The following XYLT1 variants were observed in gnomAD, a reference collection of about 807,000 sequenced individuals.
XYLT1 encodes xylosyltransferase 1.
In XYLT1, 36 loss-of-function variants were observed where a neutral mutation model predicts 91.3. The ratio of observed to expected loss-of-function variants is 0.39; its 90% CI spans 0.30 to 0.52. The LOEUF is 0.52. Ranked by LOEUF, XYLT1 falls within the 20% of genes least tolerant of loss-of-function variation. The probability of loss-of-function intolerance (pLI) is 0.68; values close to 1 mark genes in which losing one functional copy is unlikely to be tolerated. For synonymous variants in XYLT1, 588 were observed against 532.0 expected (o/e 1.11, Z -1.45); for missense variants, 1,242 against 1,284.5 (o/e 0.97, Z 0.51).
At chr16:17,122,608 C>CTTTGTT (rs1192925413) in intron 10 of XYLT1, among the ~76,000 whole-genome samples, 2 of 152,108 alleles carry the variant, frequency 1.3e-5, no homozygotes, top group African/African-American at 2.4e-5. Flanking sequence ...ATCTACTTAT[C>CTTTGTT]TTTGTTTTTG....
intron 1 of XYLT1, among the ~76,000 whole-genome samples, chr16:17,453,196 T>A (rs2036690240): frequency 2.0e-5 from 3 of 152,200 alleles, no homozygotes; most frequent in Admixed American, 6.5e-5. Context: ...TCAAATTTCA[T>A]TCCAAAAGTA....
chr16:17,125,363 C>T (rs1312051778), intron 10 of XYLT1, among the ~76,000 whole-genome samples: 1 of 152,176 alleles, frequency 6.6e-6, no homozygotes, highest in Non-Finnish European at 1.5e-5. Flanking sequence ...GCCATTTTCC[C>T]TCTATCTTTC....
At position 17,312,985 on chromosome 16, in the gene XYLT1, G is replaced by A. The variant is rs577273030; in HGVS notation, c.402+45027C>T. ...CCTCTTGGAAAAGCTCCCCCTGGCC[G>A]GGGCTGAGCAGGGAAGCTGGGAGAG... On this transcript the variant is annotated intron_variant, in intron 2 of 11. Transcript: ENST00000261381. The surrounding 1 kb of genome is among the most constrained non-coding windows in gnomAD (Gnocchi z 4.4). 7.9e-5 allele frequency among the ~76,000 whole-genome samples: 12 copies of A among 152,338 alleles called. No homozygotes were observed. Among genetic ancestry groups the A allele is most frequent in the South Asian group, 4.1e-4 (2 of 4,830 alleles).
intron 3 of XYLT1, among the ~76,000 whole-genome samples, chr16:17,210,675 G>A (rs1473973366): frequency 6.6e-6 from 1 of 152,210 alleles, no homozygotes; most frequent in Admixed American, 6.5e-5. Context: ...GCCTCCCAGT[G>A]CTGGGATTAC....
intron 1 of XYLT1, among the ~76,000 whole-genome samples, chr16:17,423,234 G>A (rs2036271083): frequency 6.6e-6 from 1 of 152,118 alleles, no homozygotes; most frequent in Non-Finnish European, 1.5e-5. Flanking sequence ...GCCCAGTGGG[G>A]CCGCCCTTCT....
At chr16:17,150,229 T>C (rs1407784756) in intron 6 of XYLT1, among the ~76,000 whole-genome samples, 2 of 152,158 alleles carry the variant, frequency 1.3e-5, no homozygotes, top group African/African-American at 4.8e-5. Flanking sequence ...TCAGGGCCCC[T>C]GCTAGCCATT....
chr16:17,160,889 G>A (rs1390503238), intron 5 of XYLT1, among the ~76,000 whole-genome samples: 4 of 152,116 alleles, frequency 2.6e-5, no homozygotes, highest in Non-Finnish European at 4.4e-5. Context: ...CCATAAAGAG[G>A]CCCATTCCAA....
At chr16:17,177,242 CCTT>C (rs1188205582) in intron 5 of XYLT1, among the ~76,000 whole-genome samples, 2 of 152,150 alleles carry the variant, frequency 1.3e-5, no homozygotes, top group African/African-American at 2.4e-5. Flanking sequence ...CTGCCCATCT[CCTT>C]CTTAGTTTTA....
intron 3 of XYLT1, among the ~76,000 whole-genome samples, chr16:17,201,948 T>A (rs529967096): frequency 6.6e-6 from 1 of 152,280 alleles, no homozygotes; most frequent in South Asian, 2.1e-4. Flanking sequence ...AGGCTACAGA[T>A]CACCCACTGT....
intron 2 of XYLT1, among the ~76,000 whole-genome samples, chr16:17,264,563 G>A (rs2033773088): frequency 6.6e-6 from 1 of 152,130 alleles, no homozygotes; most frequent in African/African-American, 2.4e-5. Flanking sequence ...TGTCCTTTCT[G>A]TGGAGACTCA....
At chr16:17,164,168 A>G (rs2141548295) in intron 5 of XYLT1, among the ~76,000 whole-genome samples, 1 of 151,788 alleles carries the variant, frequency 6.6e-6, no homozygotes, top group Non-Finnish European at 1.5e-5. Flanking sequence ...AGACTACAAC[A>G]GTGTTTCCCC....
At chr16:17,117,043 A>G (rs1966853755) in intron 11 of XYLT1, among the ~76,000 whole-genome samples, 1 of 152,124 alleles carries the variant, frequency 6.6e-6, no homozygotes, top group African/African-American at 2.4e-5. Flanking sequence ...CTCTGTCACA[A>G]CTATTCAGTT....
At chr16:17,360,807 G>A (rs2035371680) in intron 1 of XYLT1, among the ~76,000 whole-genome samples, 1 of 152,204 alleles carries the variant, frequency 6.6e-6, no homozygotes, top group Non-Finnish European at 1.5e-5. Context: ...GTTTACAGTA[G>A]AGTAAATTCC....
chr16:17,387,123 C>A (rs1370063218), intron 1 of XYLT1, among the ~76,000 whole-genome samples: 1 of 152,096 alleles, frequency 6.6e-6, no homozygotes, highest in Non-Finnish European at 1.5e-5. Context: ...CTCATCTGAC[C>A]CCCAGGTGTC....
chr16:17,443,174 T>C (rs1309828304), intron 1 of XYLT1, among the ~76,000 whole-genome samples: 2 of 152,222 alleles, frequency 1.3e-5, no homozygotes, highest in African/African-American at 4.8e-5. Context: ...AGCAAAGGAA[T>C]TGGCATGTGC....
chr16:17,237,558 T>G (rs932668778), intron 3 of XYLT1, among the ~76,000 whole-genome samples: 2 of 152,196 alleles, frequency 1.3e-5, no homozygotes, highest in African/African-American at 4.8e-5. Flanking sequence ...CTGTGTTGGG[T>G]TTCAGATTAG....
At chr16:17,194,997 T>C (rs2032394795) in intron 5 of XYLT1, among the ~76,000 whole-genome samples, 2 of 152,236 alleles carry the variant, frequency 1.3e-5, no homozygotes, top group African/African-American at 4.8e-5. Flanking sequence ...ACTCTATCCA[T>C]TGTTTAAATT....
Position 17,470,657 on chromosome 16 carries a change from C to A in XYLT1, c.140G>T (p.Gly47Val). The A allele has an allele frequency of 8.8e-7, 1 of 1,134,366 alleles. No individual in the cohort carries two copies. The allele number at this position is 1,134,366 out of a possible 1,614,324, so 70.3% of individuals were successfully genotyped here. Residue 47 changes from glycine (G) to valine (V), a missense_variant, in exon 1 of 12, where the codon GGG becomes GTG. Transcript: ENST00000261381. ...SLDSGAGERR[G>V]GAAVGGGEQP... ...CTCCCCGCCGCCGACCGCTGCGCCC[C>A]CGCGGCGCTCCCCGGCCCCGGAGTC...
At chr16:17,383,545 A>G (rs1272492954) in intron 1 of XYLT1, among the ~76,000 whole-genome samples, 1 of 151,830 alleles carries the variant, frequency 6.6e-6, no homozygotes, top group African/African-American at 2.4e-5. Context: ...CTGGCTCGGC[A>G]ACTGTTGACT....
Sources: allele counts gnomAD v4.1 joint callset (sites outside exome capture counted in the v4.1 genomes callset), GRCh38; gene constraint gnomAD v4.1.1; non-coding constraint Gnocchi (gnomAD v3.1); transcripts MANE v1.5; gene names NCBI Gene and HGNC (gene_info 2026-07-23, HGNC 2026-07-21).